The following SLC46A3 variants were observed in gnomAD, a reference collection of about 807,000 sequenced individuals.
The protein encoded by SLC46A3 is solute carrier family 46 member 3, also known as lysosomal proton-coupled steroid conjugate and bile acid symporter SLC46A3.
A neutral mutation model predicts 38.5 loss-of-function variants in SLC46A3; 26 were observed. The observed-to-expected ratio is 0.68, with a 90% CI of 0.49 to 0.94. SLC46A3 has a LOEUF of 0.94. SLC46A3 is among the 40% of genes least tolerant of loss of function. The pLI, the probability that SLC46A3 is intolerant of heterozygous loss-of-function variation, is 0.00. For synonymous variants in SLC46A3, 185 were observed against 192.5 expected, an observed-to-expected ratio of 0.96 and a Z score of 0.32; for missense variants, 510 against 544.3, an observed-to-expected ratio of 0.94 and a Z score of 0.63.
Position 28,710,793 on chromosome 13 carries a change from T to C in SLC46A3, c.1111A>G (p.Met371Val), listed in dbSNP as rs1450835320. 2 of 1,614,074 alleles carry C rather than the reference T, an allele frequency of 1.2e-6. No homozygotes were observed. Among genetic ancestry groups the C allele is most frequent in the South Asian group, 2.2e-5 (2 of 91,070 alleles). ...TIVPFSVLRS[M>V]LSKVVRSTEQ... Reference sequence around the variant, plus strand: ...GTCGAACGAACCACTTTTGACAACATGGACCGTAGAACAGAGAATGGCACA... The same window carrying C: ...GTCGAACGAACCACTTTTGACAACACGGACCGTAGAACAGAGAATGGCACA... The change falls in exon 4 of 6, where the codon ATG (methionine) becomes GTG (valine). Residue 371 changes from methionine to valine, a missense_variant. By Grantham distance (21) the Met-to-Val change is conservative. Coordinates refer to ENST00000266943, the MANE Select transcript of SLC46A3 (RefSeq NM_181785.4).
chr13:28,704,159 A>G (rs1885112359), intron 4 of SLC46A3, 60 bp from the exon 5 acceptor site: 1 of 1,453,538 alleles, frequency 6.9e-7, no homozygotes, highest in Non-Finnish European at 9.4e-7. Flanking sequence ...AAAACAACAA[A>G]CACAAACTAA....
intron 4 of SLC46A3, among the ~76,000 whole-genome samples, chr13:28,705,056 T>C (rs534601736): frequency 6.6e-6 from 1 of 152,268 alleles, no homozygotes; most frequent in Non-Finnish European, 1.5e-5. Flanking sequence ...GCCATCTTCA[T>C]GTGCTTTTCT....
chr13:28,700,985 G>T lies in SLC46A3; in HGVS notation c.*512C>A. ...TAAAATAAAGCATTACCAAGTATAG[G>T]TAAAATCATACATATTTGAAACTTA... On this transcript the variant is annotated 3_prime_UTR_variant, in exon 6 of 6. Coordinates refer to ENST00000266943, the MANE Select transcript of SLC46A3 (RefSeq NM_181785.4). 6.5e-7 allele frequency: 1 copy of T among 1,532,600 alleles called. No homozygotes were observed. The highest frequency in any genetic ancestry group is 8.8e-7 in the Non-Finnish European group (1 of 1,134,908). 94.9% of individuals were successfully genotyped at this position (1,532,600 alleles called of 1,614,324 possible).
intron 5 of SLC46A3, among the ~76,000 whole-genome samples, chr13:28,702,001 C>T (rs1885035979): frequency 6.6e-6 from 1 of 152,026 alleles, no homozygotes; most frequent in Non-Finnish European, 1.5e-5. Flanking sequence ...ATCTACTTTA[C>T]CTTATTATTA....
chr13:28,707,294 G>A (rs1355949312), intron 4 of SLC46A3, among the ~76,000 whole-genome samples: 5 of 151,026 alleles, frequency 3.3e-5, no homozygotes, highest in Non-Finnish European at 7.4e-5. Flanking sequence ...GCAAACCATC[G>A]CAAGAGCAAA....
rs561442615 is a variant in SLC46A3 at position 28,712,687 on chromosome 13, C to T, written c.1053G>A (p.Met351Ile). Residue 351 changes from methionine to isoleucine, a missense_variant, in exon 3 of 6, where the codon ATG becomes ATA. Coordinates refer to ENST00000266943, the MANE Select transcript of SLC46A3 (RefSeq NM_181785.4). ...MTAFASTTLM[M>I]FLARVPFLFT... The stretch of plus-strand genomic sequence containing the variant: ...GCTACACTTGGAACTCACCTAAAAA[C>T]ATCATCAGTGTTGTACTGGCAAACG... The T allele has an allele frequency of 4.8e-5, 76 of 1,574,808 alleles. No individual in the cohort carries two copies. Among genetic ancestry groups the T allele is most frequent in the Non-Finnish European group, 6.3e-5 (74 of 1,167,536 alleles).
intron 5 of SLC46A3, 142 bp from the exon 6 acceptor site, chr13:28,701,723 T>A: frequency 1.4e-6 from 1 of 732,816 alleles, no homozygotes; most frequent in Non-Finnish European, 2.2e-6. Context: ...GCATTTTGAA[T>A]CCAGCTGACT....
Position 28,701,291 on chromosome 13 carries a change from G to T in SLC46A3, c.*206C>A. The T allele has an allele frequency of 7.1e-7, 1 of 1,414,348 alleles. No homozygotes were observed. Among genetic ancestry groups the T allele is most frequent in the Non-Finnish European group, 9.2e-7 (1 of 1,087,862 alleles). 87.6% of individuals were successfully genotyped at this position (1,414,348 alleles called of 1,614,324 possible). On this transcript the variant is annotated 3_prime_UTR_variant, in exon 6 of 6. Transcript: ENST00000266943. ...TTGTTCTGTGTATTGCAAGTATATT[G>T]CATGATACGCACAAAGTGCTCAAAG...
chr13:28,713,416 G>A lies in SLC46A3; in HGVS notation c.324C>T (p.Ser108=), dbSNP rs370729325. ...YGRKFPMILS[S]VGALATSVWL... ...AAACGCTGGTTGCAAGAGCACCAAC[G>A]GAAGACAAAATCATAGGGAATTTTC... Residue 108 remains serine (S), a synonymous_variant, in exon 3 of 6, where the codon TCC becomes TCT. Coordinates refer to ENST00000266943, the MANE Select transcript of SLC46A3 (RefSeq NM_181785.4). 6.2e-6 allele frequency: 10 copies of A among 1,613,880 alleles called. No individual in the cohort carries two copies. The African/African-American group carries it at 6.7e-5, about 11-fold the overall frequency.
intron 2 of SLC46A3, among the ~76,000 whole-genome samples, chr13:28,716,600 CT>C (rs532076704): frequency 2.6e-5 from 4 of 151,324 alleles, no homozygotes; most frequent in East Asian, 1.9e-4. Context: ...ACTCAGGGCC[CT>C]TTTTTTTTAT....
In SLC46A3 at chr13:28,717,775, T is replaced by C; in HGVS notation, c.189+35A>G. ...ACTCAAAGCCCGGTATACATTCCCA[T>C]TTTATTAAATACTATGGATATTGTA... On this transcript the variant is annotated intron_variant, in intron 2 of 5. Coordinates refer to ENST00000266943, the MANE Select transcript of SLC46A3 (RefSeq NM_181785.4). 1.9e-6 allele frequency: 3 copies of C among 1,589,966 alleles called. No homozygotes were observed. In the East Asian group the frequency reaches 6.7e-5, roughly 36 times the overall value.
intron 3 of SLC46A3, among the ~76,000 whole-genome samples, chr13:28,711,533 T>C (rs1885343158): frequency 6.6e-6 from 1 of 152,254 alleles, no homozygotes; most frequent in Non-Finnish European, 1.5e-5. Flanking sequence ...TTGTGCTTTT[T>C]TCAGACTTGG....
At chr13:28,709,230 G>A (rs1885270741) in intron 4 of SLC46A3, among the ~76,000 whole-genome samples, 1 of 151,298 alleles carries the variant, frequency 6.6e-6, no homozygotes, top group African/African-American at 2.4e-5. Context: ...GCTGAGGCAG[G>A]AGAATTGCTT....
At chr13:28,710,713 G>A in intron 4 of SLC46A3, 47 bp downstream of exon 4, 2 of 1,384,408 alleles carry the variant, frequency 1.4e-6, no homozygotes, top group Non-Finnish European at 2.0e-6. Context: ...ACAGATTTGA[G>A]TTTGTAAAGA....
intron 5 of SLC46A3, 61 bp downstream of exon 5, chr13:28,703,882 G>C: frequency 6.8e-7 from 1 of 1,480,118 alleles, no homozygotes; most frequent in Non-Finnish European, 9.3e-7. Flanking sequence ...TTACTGGTGA[G>C]GTTAGGGAAT....
intron 2 of SLC46A3, among the ~76,000 whole-genome samples, chr13:28,715,599 A>G (rs1885507225): frequency 6.6e-6 from 1 of 152,254 alleles, no homozygotes; most frequent in African/African-American, 2.4e-5. Context: ...AGGATACAAA[A>G]TTACAGCTAG....
chr13:28,711,558 G>T (rs1464003237), intron 3 of SLC46A3, among the ~76,000 whole-genome samples: 1 of 151,786 alleles, frequency 6.6e-6, no homozygotes, highest in Admixed American at 6.6e-5. Flanking sequence ...CTTAGTGTTA[G>T]CATGCCTTTA....
At chr13:28,702,084 C>T (rs1384392218) in intron 5 of SLC46A3, among the ~76,000 whole-genome samples, 1 of 151,964 alleles carries the variant, frequency 6.6e-6, no homozygotes, top group East Asian at 1.9e-4. Context: ...TTAGAATTAC[C>T]TATTATTCTA....
intron 2 of SLC46A3, 111 bp from the exon 3 acceptor site, chr13:28,713,661 G>GA: frequency 9.7e-7 from 1 of 1,031,864 alleles, no homozygotes. Context: ...TATGGGTGGG[G>GA]AATCTCTGGT....
Sources: gnomAD v4.1 joint callset for allele counts (sites outside exome capture counted in the v4.1 genomes callset) on GRCh38, gnomAD v4.1.1 for gene constraint, MANE v1.5 for transcripts, NCBI Gene and HGNC (gene_info 2026-07-23, HGNC 2026-07-21) for gene names.